Variants in ATXN1 observed in about 807,000 individuals in gnomAD.
ATXN1 encodes ataxin-1.
ATXN1 carries 8 observed loss-of-function variants against 56.4 expected under a neutral mutation model. The ratio of observed to expected loss-of-function variants is 0.14; its 90% CI spans 0.08 to 0.26. ATXN1 has a LOEUF of 0.26. ATXN1 is among the 10% of genes least tolerant of loss of function. The pLI is 1.00. For synonymous variants in ATXN1, 514 were observed against 494.6 expected, an observed-to-expected ratio of 1.04 and a Z score of -0.52; for missense variants, 987 against 1,106.5, an observed-to-expected ratio of 0.89 and a Z score of 1.53.
At chr6:16,672,036 G>T (rs1235426015) in intron 2 of ATXN1, among the ~76,000 whole-genome samples, 1 of 152,094 alleles carries the variant, frequency 6.6e-6, no homozygotes, top group Non-Finnish European at 1.5e-5. Flanking sequence ...ATCACAGGAG[G>T]GTGCTCGTTA....
chr6:16,377,558 C>T (rs962668259), intron 6 of ATXN1, among the ~76,000 whole-genome samples: 1 of 152,102 alleles, frequency 6.6e-6, no homozygotes, highest in Non-Finnish European at 1.5e-5. Flanking sequence ...CATGGTCTCG[C>T]GGGGAGACAG....
chr6:16,579,482 C>T (rs945263221), intron 4 of ATXN1, among the ~76,000 whole-genome samples: 1 of 31,476 alleles, frequency 3.2e-5, no homozygotes, highest in Non-Finnish European at 8.7e-5. Context: ...TGGTCAAAGC[C>T]CCCCCCCCCC....
In ATXN1 at chr6:16,328,044, C is replaced by A. The variant is rs146853248; in HGVS notation, c.267G>T (p.Pro89=). ...KALSTGLDYS[P]PSAPRSVPVA... is the part of the protein sequence containing the mutation. ...CGGGGACAGACCTGGGAGCGCTGGG[C>A]GGGGAGTAGTCCAGCCCTGTGGACA... The change falls in exon 7 of 8, where the codon CCG becomes CCT. Residue 89 remains proline, a synonymous_variant. Transcript: ENST00000436367. The surrounding 1 kb of genome is among the most constrained non-coding windows in gnomAD (Gnocchi z 6.2). 1,982 of 1,613,646 alleles carry A rather than the reference C, an allele frequency of 1.2e-3. No individual in the cohort carries two copies. The highest frequency in any genetic ancestry group is 1.4e-3 in the Non-Finnish European group (1,669 of 1,179,714).
chr6:16,402,494 G>C (rs892469772), intron 6 of ATXN1, among the ~76,000 whole-genome samples: 1 of 151,802 alleles, frequency 6.6e-6, no homozygotes, highest in Non-Finnish European at 1.5e-5. Flanking sequence ...TTAACAACAC[G>C]AACACAACCC....
chr6:16,369,243 A>G (rs1305533321), intron 6 of ATXN1, among the ~76,000 whole-genome samples: 1 of 152,232 alleles, frequency 6.6e-6, no homozygotes, highest in Non-Finnish European at 1.5e-5. Context: ...CAAATGGAAA[A>G]TGATCCTGGA....
At chr6:16,439,381 GAA>G (rs1759465147) in intron 6 of ATXN1, among the ~76,000 whole-genome samples, 1 of 12,752 alleles carries the variant, frequency 7.8e-5, no homozygotes, top group Non-Finnish European at 1.6e-4. Context: ...GGCGGGGCGG[GAA>G]TAAGGGTTGG....
intron 4 of ATXN1, among the ~76,000 whole-genome samples, chr6:16,530,133 T>A (rs1420495175): frequency 6.6e-6 from 1 of 152,134 alleles, no homozygotes; most frequent in Non-Finnish European, 1.5e-5. Context: ...AATATAAAAA[T>A]AAGGAAATAC....
At chr6:16,411,142 A>AG (rs1758791298) in intron 6 of ATXN1, among the ~76,000 whole-genome samples, 2 of 150,238 alleles carry the variant, frequency 1.3e-5, no homozygotes, top group Non-Finnish European at 3.0e-5. Context: ...AAAAAAAAAA[A>AG]AAAGAAAAGA....
intron 4 of ATXN1, among the ~76,000 whole-genome samples, chr6:16,550,103 C>T (rs1761891712): frequency 7.2e-6 from 1 of 138,994 alleles, no homozygotes; most frequent in African/African-American, 2.7e-5. Flanking sequence ...AACAGACCTG[C>T]ATGTTCTACA....
intron 6 of ATXN1, among the ~76,000 whole-genome samples, chr6:16,405,376 T>A (rs1016892818): frequency 6.6e-6 from 1 of 152,234 alleles, no homozygotes; most frequent in African/African-American, 2.4e-5. Flanking sequence ...TAAAGACCTT[T>A]ATTTAAATTT....
At chr6:16,710,647 G>C (rs1759503827) in intron 2 of ATXN1, among the ~76,000 whole-genome samples, 1 of 152,154 alleles carries the variant, frequency 6.6e-6, no homozygotes, top group South Asian at 2.1e-4. Context: ...GAGTGCAGTG[G>C]CATGATCACA....
intron 7 of ATXN1, among the ~76,000 whole-genome samples, chr6:16,317,849 C>T (rs905494537): frequency 6.6e-6 from 1 of 152,188 alleles, no homozygotes; most frequent in Admixed American, 6.5e-5. Flanking sequence ...TCCTCTAGAA[C>T]TGTCACCTCC....
intron 6 of ATXN1, among the ~76,000 whole-genome samples, chr6:16,359,677 G>A (rs1342597021): frequency 6.6e-6 from 1 of 152,178 alleles, no homozygotes; most frequent in African/African-American, 2.4e-5. Context: ...ACTCCTCCGA[G>A]TTGTTCTAAC....
In ATXN1 at chr6:16,760,665, C is replaced by G. The variant is rs1250263440; in HGVS notation, c.-730+633G>C. On this transcript the variant is annotated intron_variant, in intron 1 of 7. Transcript: ENST00000436367. This position sits in a 1 kb window ranked among gnomAD's most constrained non-coding sequence, Gnocchi z 5.3. The stretch of plus-strand genomic sequence containing the variant: ...CGCACACCCGGCGAGGCCGGCCCTC[C>G]GAGGGGAGACCCCCGCCCCAGGGCG... Among the ~76,000 whole-genome samples, 1 of 151,172 alleles carries G rather than the reference C, an allele frequency of 6.6e-6. No homozygotes were observed. Among genetic ancestry groups the G allele is most frequent in the Non-Finnish European group, 1.5e-5 (1 of 67,700 alleles).
chr6:16,446,239 C>T (rs1759632932), intron 6 of ATXN1, among the ~76,000 whole-genome samples: 1 of 151,976 alleles, frequency 6.6e-6, no homozygotes, highest in Non-Finnish European at 1.5e-5. Context: ...GATGGTATCT[C>T]ATTGTGGTTT....
chr6:16,428,066 T>C (rs1490497741), intron 6 of ATXN1, among the ~76,000 whole-genome samples: 5 of 152,046 alleles, frequency 3.3e-5, no homozygotes, highest in Non-Finnish European at 5.9e-5. Context: ...TAAAATATGG[T>C]TGCAAGGCTT....
intron 4 of ATXN1, among the ~76,000 whole-genome samples, chr6:16,562,951 CAA>C (rs1762149730): frequency 6.6e-6 from 1 of 151,532 alleles, no homozygotes; most frequent in Non-Finnish European, 1.5e-5. Context: ...ACCTAGGTGA[CAA>C]AGCCTCAGAG....
At chr6:16,675,223 A>C (rs1243862207) in intron 2 of ATXN1, among the ~76,000 whole-genome samples, 2 of 152,194 alleles carry the variant, frequency 1.3e-5, no homozygotes, top group African/African-American at 2.4e-5. Flanking sequence ...TTTTTAACAG[A>C]TCCACTTTAT....
At chr6:16,354,924 T>C (rs1761653346) in intron 6 of ATXN1, among the ~76,000 whole-genome samples, 1 of 152,228 alleles carries the variant, frequency 6.6e-6, no homozygotes, top group Non-Finnish European at 1.5e-5. Flanking sequence ...ACCTCCAGCA[T>C]AGCTGGAGAC....
Sources: allele counts gnomAD v4.1 joint callset (sites outside exome capture counted in the v4.1 genomes callset), GRCh38; gene constraint gnomAD v4.1.1; non-coding constraint Gnocchi (gnomAD v3.1); transcripts MANE v1.5; gene names NCBI Gene and HGNC (gene_info 2026-07-23, HGNC 2026-07-21).